Variants in EPM2A observed in about 807,000 individuals in gnomAD.
The protein encoded by EPM2A is EPM2A glucan phosphatase, laforin, also known as laforin.
Under a neutral mutation model 26.5 loss-of-function variants are expected in EPM2A, and 21 were observed. The ratio of observed to expected loss-of-function variants is 0.79; its 90% CI spans 0.56 to 1.14. The LOEUF (loss-of-function observed/expected upper bound fraction) is 1.14. Among genes scored for constraint, EPM2A ranks in the 50% most tolerant of loss-of-function variants. EPM2A has a pLI of 0.00. For missense variants in EPM2A, 458 were observed against 440.8 expected, an observed-to-expected ratio of 1.04 and a Z score of -0.35; for synonymous variants, 217 against 177.6, an observed-to-expected ratio of 1.22 and a Z score of -1.76.
chr6:145,705,154 G>A (rs1427180300), intron 1 of EPM2A, among the ~76,000 whole-genome samples: 2 of 152,068 alleles, frequency 1.3e-5, no homozygotes, highest in Admixed American at 6.6e-5. Context: ...TGGTATAAAA[G>A]AGCAAAGGTT....
intron 2 of EPM2A, among the ~76,000 whole-genome samples, chr6:145,684,320 A>G (rs1237716824): frequency 1.3e-5 from 2 of 152,148 alleles, no homozygotes; most frequent in African/African-American, 2.4e-5. Flanking sequence ...GAGAAGAAAT[A>G]ATCATTCAGT....
chr6:145,705,618 G>A (rs145065935), intron 1 of EPM2A: 48 of 454,012 alleles, frequency 1.1e-4, no homozygotes, highest in Middle Eastern at 6.5e-4. Flanking sequence ...GTTCATTATA[G>A]ATTGGCTAGG....
chr6:145,511,094 G>C (rs1425578838), intron 2 of EPM2A, among the ~76,000 whole-genome samples: 2 of 148,048 alleles, frequency 1.4e-5, no homozygotes, highest in African/African-American at 2.5e-5. Context: ...AATTGAATCA[G>C]TAATAAAACA....
At chr6:145,637,585 G>C (rs1346657491) in intron 2 of EPM2A, 1 of 152,016 alleles carries the variant, frequency 6.6e-6, no homozygotes, top group East Asian at 1.9e-4. Flanking sequence ...AGTTAGAAAT[G>C]GCAAAAGACT....
At chr6:145,616,680 C>G (rs538330351) in intron 2 of EPM2A, among the ~76,000 whole-genome samples, 3 of 152,374 alleles carry the variant, frequency 2.0e-5, no homozygotes, top group African/African-American at 7.2e-5. Flanking sequence ...CTGCCCAAGG[C>G]CATGGGAACC....
At chr6:145,387,367 C>G (rs1267849123) in intron 4 of EPM2A, among the ~76,000 whole-genome samples, 1 of 152,132 alleles carries the variant, frequency 6.6e-6, no homozygotes, top group Non-Finnish European at 1.5e-5. Context: ...ATTAAAGAGG[C>G]AGCCCACACA....
chr6:145,391,325 C>T (rs1778334322), intron 4 of EPM2A, among the ~76,000 whole-genome samples: 2 of 152,088 alleles, frequency 1.3e-5, no homozygotes, highest in Admixed American at 1.3e-4. Flanking sequence ...ACAGACATTC[C>T]TTCCTGATAA....
At chr6:145,688,823 G>C (rs1781096158) in intron 1 of EPM2A, among the ~76,000 whole-genome samples, 1 of 152,268 alleles carries the variant, frequency 6.6e-6, no homozygotes, top group Non-Finnish European at 1.5e-5. Flanking sequence ...AGCAGAGCAT[G>C]ACTGAAAGTG....
chr6:145,406,269 T>C (rs1484508920), intron 4 of EPM2A, among the ~76,000 whole-genome samples: 2 of 152,172 alleles, frequency 1.3e-5, no homozygotes, highest in South Asian at 2.1e-4. Flanking sequence ...AAGGTGGCCA[T>C]GGCAAAGTGA....
chr6:145,703,860 T>C (rs1346868753), intron 1 of EPM2A, among the ~76,000 whole-genome samples: 1 of 152,204 alleles, frequency 6.6e-6, no homozygotes, highest in African/African-American at 2.4e-5. Context: ...TGATAAAGTG[T>C]TTCTCGAACA....
In EPM2A at chr6:145,514,549, T is replaced by C. The variant is rs1395138937; in HGVS notation, c.341-11974A>G. ...TGAAGCAGATAGATGTGTTTTTAGA[T>C]AGATAAATACTATAACAGTTATATT... On this transcript the variant is annotated intron_variant, in intron 2 of 3. Transcript: ENST00000450221. Among the ~76,000 whole-genome samples, 3 of 152,196 alleles carry C rather than the reference T, an allele frequency of 2.0e-5. No individual in the cohort carries two copies. In the East Asian group the frequency reaches 5.8e-4, roughly 29 times the overall value.
At chr6:145,448,772 A>G (rs1779156176) in intron 4 of EPM2A, among the ~76,000 whole-genome samples, 1 of 152,230 alleles carries the variant, frequency 6.6e-6, no homozygotes, top group Non-Finnish European at 1.5e-5. Flanking sequence ...GAGATGATAC[A>G]TAGACTAAAC....
chr6:145,677,493 G>A (rs565241305), intron 2 of EPM2A, among the ~76,000 whole-genome samples: 1 of 152,142 alleles, frequency 6.6e-6, no homozygotes, highest in Non-Finnish European at 1.5e-5. Context: ...AAGTCAAATT[G>A]TCCCTGTTTG....
intron 2 of EPM2A, among the ~76,000 whole-genome samples, chr6:145,598,343 CAT>C (rs910233868): frequency 4.3e-4 from 65 of 152,116 alleles, no homozygotes; most frequent in African/African-American, 1.5e-3. Flanking sequence ...AGCTTTATTT[CAT>C]ATGTTTGTTG....
intron 2 of EPM2A, among the ~76,000 whole-genome samples, chr6:145,524,589 C>A (rs1582823455): frequency 6.6e-6 from 1 of 152,184 alleles, no homozygotes; most frequent in Admixed American, 6.5e-5. Context: ...TGAGAAGTGT[C>A]TGTTCACATC....
At chr6:145,529,658 T>C (rs879795450) in intron 2 of EPM2A, among the ~76,000 whole-genome samples, 2 of 152,210 alleles carry the variant, frequency 1.3e-5, no homozygotes, top group Non-Finnish European at 2.9e-5. Flanking sequence ...ATATTTGCTT[T>C]TTTGAGATGG....
intron 1 of EPM2A, among the ~76,000 whole-genome samples, chr6:145,717,150 C>A (rs893071397): frequency 6.6e-6 from 1 of 152,104 alleles, no homozygotes; most frequent in Non-Finnish European, 1.5e-5. Flanking sequence ...CAAAGCCGGG[C>A]AGAGACACAA....
Position 145,472,929 on chromosome 6 carries a change from C to T in EPM2A, c.555+29593G>A, listed in dbSNP as rs552482036. On this transcript the variant is annotated intron_variant, in intron 4 of 4. Coordinates refer to the EPM2A transcript ENST00000638717. ...GTGAAAAGCCTTCCCAAAAGGACAGCTACAAATAAGCCCAGATGGTGAAAA... is the reference window on the plus strand; with the variant it reads ...GTGAAAAGCCTTCCCAAAAGGACAGTTACAAATAAGCCCAGATGGTGAAAA... Among the ~76,000 whole-genome samples, 13 of 152,132 alleles carry T rather than the reference C, an allele frequency of 8.5e-5. No homozygotes were observed. In the South Asian group the frequency reaches 2.5e-3, roughly 29 times the overall value.
At chr6:145,556,833 T>C (rs1562381132) in intron 2 of EPM2A, among the ~76,000 whole-genome samples, 2 of 152,128 alleles carry the variant, frequency 1.3e-5, no homozygotes, top group Non-Finnish European at 2.9e-5. Flanking sequence ...TTTGAACATA[T>C]TTTAAGTATT....
Sources: gnomAD v4.1 joint callset for allele counts (sites outside exome capture counted in the v4.1 genomes callset) on GRCh38, gnomAD v4.1.1 for gene constraint, MANE v1.5 for transcripts, NCBI Gene and HGNC (gene_info 2026-07-23, HGNC 2026-07-21) for gene names.